ENPP2: variants seen among roughly 807,000 people sequenced by gnomAD.
The protein encoded by ENPP2 is ectonucleotide pyrophosphatase/phosphodiesterase 2, also known as autotaxin.
Under a neutral mutation model 120.2 loss-of-function variants are expected in ENPP2, and 51 were observed. The observed-to-expected ratio is 0.42, with a 90% CI of 0.34 to 0.54. The LOEUF is 0.54. ENPP2 is among the 20% of genes least tolerant of loss of function. The probability of loss-of-function intolerance (pLI) is 0.04; values close to 1 mark genes in which losing one functional copy is unlikely to be tolerated. For missense variants in ENPP2, 920 were observed against 1,066.5 expected (o/e 0.86, Z 1.91); for synonymous variants, 365 against 366.4 (o/e 1.00, Z 0.04).
chr8:119,634,070 C>T (rs1003437606), intron 2 of ENPP2, among the ~76,000 whole-genome samples: 2 of 152,028 alleles, frequency 1.3e-5, no homozygotes, highest in Non-Finnish European at 2.9e-5. Flanking sequence ...GTAATCTCAG[C>T]TACTCGGGAG....
At chr8:119,618,550 C>CTTT in intron 5 of ENPP2, 3 of 279,320 alleles carry the variant, frequency 1.1e-5, no homozygotes, top group Non-Finnish European at 2.1e-5. Context: ...CCTTGGATGC[C>CTTT]TTTTTTTTTT....
intron 12 of ENPP2, 114 bp from the exon 13 acceptor site, chr8:119,590,744 G>T (rs1813438683): frequency 3.0e-6 from 2 of 656,590 alleles, no homozygotes. Flanking sequence ...TAACTTAATG[G>T]GAAGAGCCCT....
chr8:119,613,835 T>A (rs968500740), intron 8 of ENPP2, among the ~76,000 whole-genome samples: 11 of 152,140 alleles, frequency 7.2e-5, no homozygotes, highest in Non-Finnish European at 1.3e-4. Context: ...ATCAGGGTAA[T>A]TACCATATCC....
chr8:119,566,875 A>C (rs1814494185), intron 22 of ENPP2, among the ~76,000 whole-genome samples: 1 of 152,246 alleles, frequency 6.6e-6, no homozygotes, highest in Admixed American at 6.5e-5. Flanking sequence ...ACAAACCAAG[A>C]AATCTTTTTA....
At chr8:119,644,623 T>TATATATATACAC (rs1563768976) in intron 1 of ENPP2, among the ~76,000 whole-genome samples, 14 of 97,246 alleles carry the variant, frequency 1.4e-4, no homozygotes, top group African/African-American at 5.7e-4. Flanking sequence ...TATATATATA[T>TATATATATACAC]ATACACACAC....
chr8:119,647,467 C>T (rs1817504628), intron 1 of ENPP2, among the ~76,000 whole-genome samples: 1 of 152,162 alleles, frequency 6.6e-6, no homozygotes, highest in African/African-American at 2.4e-5. Context: ...GTAGTACTTC[C>T]TCTGTTATTC....
chr8:119,657,532 C>T (rs564170784), intron 1 of ENPP2, among the ~76,000 whole-genome samples: 1 of 152,324 alleles, frequency 6.6e-6, no homozygotes, highest in African/African-American at 2.4e-5. Context: ...CAGTTCTTCT[C>T]ATCGTCCCTT....
chr8:119,578,723 G>T (rs904329178), intron 19 of ENPP2, among the ~76,000 whole-genome samples: 3 of 152,196 alleles, frequency 2.0e-5, no homozygotes, highest in African/African-American at 7.2e-5. Context: ...GTTTGTGAAA[G>T]ATTTGTGTGC....
intron 9 of ENPP2, 152 bp from the exon 10 acceptor site, chr8:119,601,614 T>C: frequency 1.6e-6 from 1 of 620,120 alleles, no homozygotes; most frequent in South Asian, 2.1e-5. Context: ...TCTTTCGAAT[T>C]AGCGTTTAAA....
intron 1 of ENPP2, among the ~76,000 whole-genome samples, chr8:119,670,495 T>C (rs996841936): frequency 3.3e-5 from 5 of 152,184 alleles, no homozygotes; most frequent in Admixed American, 2.0e-4. Flanking sequence ...ACTGTAATCA[T>C]ACTAAGACAA....
At chr8:119,602,595 T>G (rs1426893810) in intron 9 of ENPP2, among the ~76,000 whole-genome samples, 3 of 152,180 alleles carry the variant, frequency 2.0e-5, no homozygotes, top group Non-Finnish European at 4.4e-5. Flanking sequence ...GGCACTAGCT[T>G]TAAGGGCTCT....
At chr8:119,582,626 G>A in intron 17 of ENPP2, 24 bp from the exon 18 acceptor site, 1 of 1,543,708 alleles carries the variant, frequency 6.5e-7, no homozygotes, top group Non-Finnish European at 8.9e-7. Flanking sequence ...AGAAAAGGAG[G>A]CAGGTGCTTC....
At chr8:119,655,471 C>T (rs1817743324) in intron 1 of ENPP2, among the ~76,000 whole-genome samples, 1 of 152,172 alleles carries the variant, frequency 6.6e-6, no homozygotes, top group Non-Finnish European at 1.5e-5. Flanking sequence ...AGAATCATGA[C>T]TTGGATGCTC....
At chr8:119,672,522 T>C (rs1345081606) in intron 1 of ENPP2, among the ~76,000 whole-genome samples, 1 of 152,062 alleles carries the variant, frequency 6.6e-6, no homozygotes, top group Non-Finnish European at 1.5e-5. Context: ...CTGCGGACGC[T>C]CCCCAGTGTT....
At chr8:119,638,342 T>G (rs1817129441) in intron 2 of ENPP2, 83 bp downstream of exon 2, 5 of 738,054 alleles carry the variant, frequency 6.8e-6, no homozygotes, top group Admixed American at 2.3e-5. Flanking sequence ...GTATTAAAAA[T>G]AAATATTTTA....
intron 21 of ENPP2, 104 bp downstream of exon 21, chr8:119,569,131 G>A: frequency 9.2e-7 from 1 of 1,089,594 alleles, no homozygotes. Flanking sequence ...AATCTTCTGA[G>A]CACCCTCTCT....
chr8:119,581,788 C>T (rs1278670111), intron 18 of ENPP2, among the ~76,000 whole-genome samples: 2 of 144,076 alleles, frequency 1.4e-5, no homozygotes, highest in Non-Finnish European at 3.0e-5. Flanking sequence ...GAGTCAGAGT[C>T]TCACTCCGTC....
In ENPP2 at chr8:119,564,890, C is replaced by T. The variant is rs752058503; in HGVS notation, c.2197G>A (p.Val733Met). 3.7e-6 allele frequency: 6 copies of T among 1,612,704 alleles called. No homozygotes were observed. In the East Asian group the frequency reaches 6.7e-5, roughly 18 times the overall value. ...KYASERNGVN[V>M]ISGPIFDYDY... ...TAGTCGAAGATTGGTCCACTTATCA[C>T]GTTAACTCCATTTCTTTCCGAAGCA... The change falls in exon 23 of 25, where the codon GTG (valine) becomes ATG (methionine). Residue 733 changes from valine (V) to methionine (M), a missense_variant. By Grantham distance (21) the Val-to-Met change is conservative. Transcript: ENST00000075322.
intron 24 of ENPP2, 123 bp downstream of exon 24, chr8:119,562,733 CT>C: frequency 9.9e-7 from 1 of 1,007,148 alleles, no homozygotes; most frequent in Non-Finnish European, 1.4e-6. Flanking sequence ...TGGTTCCTTT[CT>C]TTTTTCTGTT....
Sources: gnomAD v4.1 joint callset for allele counts (sites outside exome capture counted in the v4.1 genomes callset) on GRCh38, gnomAD v4.1.1 for gene constraint, MANE v1.5 for transcripts, NCBI Gene and HGNC (gene_info 2026-07-23, HGNC 2026-07-21) for gene names.